MYLK4: variants seen among roughly 807,000 people sequenced by gnomAD.
MYLK4 encodes the protein myosin light chain kinase family member 4, also known as caMLCK like.
A neutral mutation model predicts 48.1 loss-of-function variants in MYLK4; 46 were observed. The observed-to-expected ratio is 0.96, with a 90% CI of 0.75 to 1.22. The LOEUF is 1.22. Ranked by LOEUF, MYLK4 falls within the 50% of genes most tolerant of loss-of-function variation. MYLK4 has a pLI of 0.00. For synonymous variants in MYLK4, 170 were observed against 180.8 expected, an observed-to-expected ratio of 0.94 and a Z score of 0.48; for missense variants, 451 against 486.1, an observed-to-expected ratio of 0.93 and a Z score of 0.68.
intron 2 of MYLK4, among the ~76,000 whole-genome samples, chr6:2,698,343 A>C (rs945947195): frequency 6.6e-6 from 1 of 152,158 alleles, no homozygotes; most frequent in South Asian, 2.1e-4. Context: ...CGTATCACCC[A>C]CATGGCCTTT....
chr6:2,765,463 A>G, the MYLK4 span: 248,707 of 862,562 alleles, frequency 0.29, 36,839 homozygotes, highest in East Asian at 0.38. Flanking sequence ...GGAGCTGCGG[A>G]CGTGAGGCAT....
At chr6:2,759,396 T>C in the MYLK4 span, among the ~76,000 whole-genome samples, 1 of 152,234 alleles carries the variant, frequency 6.6e-6, no homozygotes, top group African/African-American at 2.4e-5. Flanking sequence ...CATGAACCAC[T>C]GTGCCCAGCT....
intron 4 of MYLK4, among the ~76,000 whole-genome samples, chr6:2,687,338 C>A (rs964399381): frequency 7.2e-5 from 11 of 152,190 alleles, no homozygotes; most frequent in Admixed American, 5.2e-4. Flanking sequence ...GAGTGAATTA[C>A]GGCTGCCAAT....
chr6:2,673,969 G>A lies in MYLK4; in HGVS notation c.1119+1078C>T, dbSNP rs935688269. On this transcript the variant is annotated intron_variant, in intron 11 of 12. Transcript: ENST00000274643. The surrounding 1 kb of genome is among the most constrained non-coding windows in gnomAD (Gnocchi z 4.2). ...AGATGTACGGGGGCTGGCTGGGGCC[G>A]CTCCATGGGCATCCTTCCCTAAGAG... is the stretch of plus-strand genomic sequence containing the variant. Among the ~76,000 whole-genome samples, 3 of 152,174 alleles carry A rather than the reference G, an allele frequency of 2.0e-5. No individual in the cohort carries two copies. Among genetic ancestry groups the A allele is most frequent in the Non-Finnish European group, 4.4e-5 (3 of 68,020 alleles).
At chr6:2,751,158 G>C (rs538219836), upstream of MYLK4, among the ~76,000 whole-genome samples, 1 of 152,164 alleles carries the variant, frequency 6.6e-6, no homozygotes, top group African/African-American at 2.4e-5. Flanking sequence ...TACAAAGCTA[G>C]ATTTGTCCTC....
At chr6:2,765,494 C>T in the MYLK4 span, 3 of 1,192,254 alleles carry the variant, frequency 2.5e-6, no homozygotes, top group Non-Finnish European at 3.2e-6. Context: ...CTCCTCCGGC[C>T]CGCGAGCGTC....
rs147952686 is a variant in MYLK4 at position 2,696,928 on chromosome 6, T to C, written c.160-4069A>G. On this transcript the variant is annotated intron_variant, in intron 2 of 12. Coordinates refer to ENST00000274643, the MANE Select transcript of MYLK4 (RefSeq NM_001012418.5). The stretch of plus-strand genomic sequence containing the variant: ...TACAAAAATTAGCTGGGCCTGGTGG[T>C]GCACACCTGTAGTCCCAGCTATCAG... 7.7e-3 allele frequency among the ~76,000 whole-genome samples: 1,171 copies of C among 152,212 alleles called. 13 individuals carry two copies. The highest frequency in any genetic ancestry group is 0.027 in the African/African-American group (1,111 of 41,494).
At chr6:2,683,395 G>GTGTA (rs1342242589) in intron 6 of MYLK4, among the ~76,000 whole-genome samples, 1 of 115,362 alleles carries the variant, frequency 8.7e-6, no homozygotes, top group African/African-American at 3.9e-5. Context: ...ACCTTTTTGT[G>GTGTA]TGTGTGTGTG....
the MYLK4 span, chr6:2,770,146 T>C: frequency 6.2e-7 from 1 of 1,614,108 alleles, no homozygotes; most frequent in Non-Finnish European, 8.5e-7. Context: ...ACGTGGAATG[T>C]GGGACGATCA....
the MYLK4 span, among the ~76,000 whole-genome samples, chr6:2,763,604 G>A: frequency 6.6e-6 from 1 of 152,242 alleles, no homozygotes; most frequent in East Asian, 1.9e-4. Flanking sequence ...ACTCGCGCTG[G>A]CCCGCAAGCA....
At position 2,672,403 on chromosome 6, in the gene MYLK4, C is replaced by T. The variant is rs1040152220; in HGVS notation, c.1120-1055G>A. Among the ~76,000 whole-genome samples the T allele has an allele frequency of 1.3e-5, 2 of 151,960 alleles. No homozygotes were observed. The highest frequency in any genetic ancestry group is 1.9e-4 in the East Asian group (1 of 5,180). The stretch of plus-strand genomic sequence containing the variant: ...CATAATACAGAGGGCAGAGAACTCT[C>T]GGATGTTAACTTCTAAGAAAAAAAA... On this transcript the variant is annotated intron_variant, in intron 11 of 12. Transcript: ENST00000274643. The surrounding 1 kb of genome is among the most constrained non-coding windows in gnomAD (Gnocchi z 4.3).
rs558626803 is a variant in MYLK4, at chr6:2,663,850, C to T, written c.*4075G>A. 3 of 152,574 alleles carry T rather than the reference C, an allele frequency of 2.0e-5. No homozygotes were observed. The highest frequency in any genetic ancestry group is 3.9e-4 in the East Asian group (2 of 5,178). 9.5% of individuals were successfully genotyped at this position (152,574 alleles called of 1,614,324 possible). On this transcript the variant is annotated 3_prime_UTR_variant, in exon 13 of 13. Transcript: ENST00000274643. ...ACTCACTGACATCTATCAGCTGAGA[C>T]GACAGCAAAATACACATTAGGTAAC...
At chr6:2,765,065 CCAA>C in the MYLK4 span, among the ~76,000 whole-genome samples, 23 of 152,234 alleles carry the variant, frequency 1.5e-4, no homozygotes, top group Middle Eastern at 6.8e-3. Flanking sequence ...GCTCGCCGCT[CCAA>C]CAACCTCGCG....
chr6:2,752,349 T>TGAAC (rs1764314154), upstream of MYLK4, among the ~76,000 whole-genome samples: 4 of 152,190 alleles, frequency 2.6e-5, no homozygotes, highest in African/African-American at 7.2e-5. Flanking sequence ...TGAACCATGG[T>TGAAC]GAACGTTATT....
At chr6:2,761,957 G>C in the MYLK4 span, among the ~76,000 whole-genome samples, 2 of 152,108 alleles carry the variant, frequency 1.3e-5, no homozygotes, top group African/African-American at 2.4e-5. Context: ...CTGTCGCCAG[G>C]CTGGAATGCA....
chr6:2,733,047 C>T (rs894615012), intron 2 of MYLK4, among the ~76,000 whole-genome samples: 2 of 152,200 alleles, frequency 1.3e-5, no homozygotes, highest in Non-Finnish European at 2.9e-5. Context: ...CTTCTATCTG[C>T]TTTCACACAG....
the MYLK4 span, among the ~76,000 whole-genome samples, chr6:2,756,510 G>A: frequency 6.6e-6 from 1 of 152,140 alleles, no homozygotes; most frequent in Non-Finnish European, 1.5e-5. Context: ...CACCAGGAGT[G>A]TTTTTTGCTA....
chr6:2,719,411 C>A (rs181129679), intron 2 of MYLK4, among the ~76,000 whole-genome samples: 3 of 152,298 alleles, frequency 2.0e-5, no homozygotes, highest in Admixed American at 1.3e-4. Flanking sequence ...TATAATAGTT[C>A]TTGAAAGAGT....
rs1393378800 is a variant in MYLK4 at position 2,667,117 on chromosome 6, A to G, written c.*808T>C. On this transcript the variant is annotated 3_prime_UTR_variant, in exon 13 of 13. Coordinates refer to ENST00000274643, the MANE Select transcript of MYLK4 (RefSeq NM_001012418.5). ...CTGTTGTGACTGTTGACATTATTTC[A>G]AAGGTCAGAATTTCAAAGTCCAACC... 6.6e-6 allele frequency: 1 copy of G among 152,200 alleles called. No individual in the cohort carries two copies. The highest frequency in any genetic ancestry group is 1.5e-5 in the Non-Finnish European group (1 of 68,042). 9.4% of individuals were successfully genotyped at this position (152,200 alleles called of 1,614,324 possible).
Sources: allele counts gnomAD v4.1 joint callset (sites outside exome capture counted in the v4.1 genomes callset), GRCh38; gene constraint gnomAD v4.1.1; non-coding constraint Gnocchi (gnomAD v3.1); transcripts MANE v1.5; gene names NCBI Gene and HGNC (gene_info 2026-07-23, HGNC 2026-07-21).